The following PRMT7 variants were observed in gnomAD, a reference collection of about 807,000 sequenced individuals.
The protein encoded by PRMT7 is protein arginine methyltransferase 7.
PRMT7 carries 75 observed loss-of-function variants against 85.4 expected under a neutral mutation model. The ratio of observed to expected loss-of-function variants is 0.88; its 90% confidence interval spans 0.73 to 1.06. The LOEUF (loss-of-function observed/expected upper bound fraction) is 1.06. Ranked by LOEUF, PRMT7 falls within the 50% of genes least tolerant of loss-of-function variation. The pLI is 0.00. For missense variants in PRMT7, 868 were observed against 915.2 expected (o/e 0.95, Z 0.67); for synonymous variants, 397 against 359.5 (o/e 1.10, Z -1.18).
intron 16 of PRMT7, 197 bp from the exon 17 acceptor site, chr16:68,355,526 C>T: frequency 2.1e-6 from 1 of 484,802 alleles, no homozygotes. Context: ...AGGCTCAGAG[C>T]CAGCGGTGCC....
intron 3 of PRMT7, 39 bp downstream of exon 3, chr16:68,316,113 G>A (rs755140272): frequency 2.2e-5 from 35 of 1,563,632 alleles, no homozygotes; most frequent in Non-Finnish European, 2.9e-5. Context: ...GCTGGGTGGG[G>A]CACTTGATCT....
At chr16:68,352,226 C>T in intron 14 of PRMT7, 22 bp from the exon 15 acceptor site, 2 of 1,610,296 alleles carry the variant, frequency 1.2e-6, no homozygotes, top group Non-Finnish European at 1.7e-6. Context: ...CACCTGGGCC[C>T]TGCTTCTCGC....
chr16:68,328,833 G>A (rs2083460485), intron 5 of PRMT7, among the ~76,000 whole-genome samples: 2 of 152,268 alleles, frequency 1.3e-5, no homozygotes, highest in South Asian at 4.1e-4. Context: ...AAGTAGTGCA[G>A]CCTCCTCAGG....
chr16:68,311,330 A>C, intron 1 of PRMT7: 3 of 306,356 alleles, frequency 9.8e-6, no homozygotes, highest in South Asian at 2.8e-5. Flanking sequence ...CTGTCGCAGT[A>C]CTCGTGCCTG....
At chr16:68,354,894 CCTGT>C (rs1261838776) in intron 16 of PRMT7, 1 of 152,420 alleles carries the variant, frequency 6.6e-6, no homozygotes, top group Non-Finnish European at 1.5e-5. Context: ...CTTCCAGTGC[CCTGT>C]CTTAGACCTG....
rs939329463 is a variant in PRMT7, at chr16:68,311,026, C to G, written c.-292C>G. ...CCCCCCAGCACGCTCCTCGACGCTG[C>G]GAGGTCCCGCCCCGCGTGCTGGCCG... On this transcript the variant is annotated 5_prime_UTR_variant, in exon 1 of 19. Coordinates refer to ENST00000441236, the MANE Select transcript of PRMT7 (RefSeq NM_019023.5). 1 of 1,094,180 alleles carries G rather than the reference C, an allele frequency of 9.1e-7. No individual in the cohort carries two copies. The highest frequency in any genetic ancestry group is 1.3e-6 in the Non-Finnish European group (1 of 744,450). 67.8% of individuals were successfully genotyped at this position (1,094,180 alleles called of 1,614,324 possible).
At chr16:68,353,404 G>T in intron 15 of PRMT7, 88 bp from the exon 16 acceptor site, 1 of 1,595,000 alleles carries the variant, frequency 6.3e-7, no homozygotes. Context: ...GGTGTGCAGG[G>T]AACAGCAAGA....
In PRMT7 at chr16:68,347,643, G is replaced by C; in HGVS notation, c.1288G>C (p.Glu430Gln). 1 of 1,613,866 alleles carries C rather than the reference G, an allele frequency of 6.2e-7. No individual in the cohort carries two copies. The highest frequency in any genetic ancestry group is 8.5e-7 in the Non-Finnish European group (1 of 1,179,754). ...HLGVEQVFTVESSAASHKLLR... is the reference protein window; with the variant it reads ...HLGVEQVFTVQSSAASHKLLR... ...GTGTTCCCTCTAGGTGTTTACAGTC[G>C]AGAGTTCAGCAGCTTCTCACAAACT... Residue 430 changes from glutamate (E) to glutamine (Q), a missense_variant, in exon 13 of 19, where the codon GAG (glutamate) becomes CAG (glutamine). Transcript: ENST00000441236.
At chr16:68,359,174 G>C (rs1330419600), downstream of PRMT7, 2 of 152,434 alleles carry the variant, frequency 1.3e-5, no homozygotes, top group African/African-American at 4.8e-5. Flanking sequence ...TGCTCTCCCT[G>C]TGCAGGCAGT....
chr16:68,314,406 T>G (rs950188750), intron 2 of PRMT7, among the ~76,000 whole-genome samples: 1 of 152,220 alleles, frequency 6.6e-6, no homozygotes, highest in Non-Finnish European at 1.5e-5. Flanking sequence ...AATTTTTGTA[T>G]TTTTAGTAGA....
rs551758589 is a variant in PRMT7, at chr16:68,332,660, T to G, written c.391+3486T>G. ...CTGTGCAGCATTCTGAAGGCTTTTT[T>G]TCTGTGTAATTTCCTCTCTGATTCT... On this transcript the variant is annotated intron_variant, in intron 6 of 18. Coordinates refer to ENST00000441236, the MANE Select transcript of PRMT7 (RefSeq NM_019023.5). Among the ~76,000 whole-genome samples, 4 of 152,270 alleles carry G rather than the reference T, an allele frequency of 2.6e-5. No individual in the cohort carries two copies. The East Asian group carries it at 7.7e-4, about 29-fold the overall frequency.
At chr16:68,344,941 C>CACACACACAT (rs2086118051) in intron 9 of PRMT7, among the ~76,000 whole-genome samples, 1 of 139,986 alleles carries the variant, frequency 7.1e-6, no homozygotes, top group Admixed American at 7.5e-5. Context: ...TCTACACACA[C>CACACACACAT]ACACACACAC....
At chr16:68,320,367 A>G (rs777472175) in intron 3 of PRMT7, among the ~76,000 whole-genome samples, 6 of 152,234 alleles carry the variant, frequency 3.9e-5, no homozygotes, top group African/African-American at 1.4e-4. Flanking sequence ...GCTGACAGCC[A>G]CGAACAGAAC....
intron 9 of PRMT7, among the ~76,000 whole-genome samples, chr16:68,343,185 CAA>C (rs1157398133): frequency 1.3e-5 from 2 of 151,248 alleles, no homozygotes; most frequent in South Asian, 2.1e-4. Context: ...GCCTGGGCAA[CAA>C]GAGCGAAACT....
At chr16:68,311,174 C>G in intron 1 of PRMT7, 75 bp downstream of exon 1, 1 of 611,480 alleles carries the variant, frequency 1.6e-6, no homozygotes, top group Non-Finnish European at 3.0e-6. Flanking sequence ...GTCCTTGGCA[C>G]CAGGGTTTCG....
rs760907558 is a variant in PRMT7, at chr16:68,339,419, T to A, written c.602T>A (p.Val201Glu). ...TGGAACAAGCTATTTCCCATCCACG[T>A]GCAGACCAGCCTCGGAGAGCAGGTC... Reference protein sequence around the residue: ...WSWNKLFPIHVQTSLGEQVIV... With the variant: ...WSWNKLFPIHEQTSLGEQVIV... The change falls in exon 8 of 19, where the codon GTG becomes GAG. Residue 201 changes from valine (V) to glutamate (E), a missense_variant. By Grantham distance (121) the Val-to-Glu change is moderately radical. Transcript: ENST00000441236. The A allele has an allele frequency of 5.0e-6, 8 of 1,614,218 alleles. No homozygotes were observed. In the South Asian group the frequency reaches 8.8e-5, roughly 18 times the overall value.
At chr16:68,319,709 A>AGTGTGTGT (rs750593103) in intron 3 of PRMT7, among the ~76,000 whole-genome samples, 1 of 41,906 alleles carries the variant, frequency 2.4e-5, no homozygotes, top group Non-Finnish European at 4.7e-5. Context: ...AATAAGAGTG[A>AGTGTGTGT]GAGTGTGTGT....
At chr16:68,346,874 A>G (rs536895269) in intron 11 of PRMT7, among the ~76,000 whole-genome samples, 8 of 152,032 alleles carry the variant, frequency 5.3e-5, no homozygotes, top group Non-Finnish European at 8.8e-5. Context: ...AATTGTGAAC[A>G]CTCAAGCCTT....
chr16:68,316,199 G>A, intron 3 of PRMT7, 125 bp downstream of exon 3: 1 of 824,162 alleles, frequency 1.2e-6, no homozygotes, highest in Non-Finnish European at 2.0e-6. Flanking sequence ...GGCTGGTGTT[G>A]GTCCTGAGCA....
Sources: allele counts gnomAD v4.1 joint callset (sites outside exome capture counted in the v4.1 genomes callset), GRCh38; gene constraint gnomAD v4.1.1; transcripts MANE v1.5; gene names NCBI Gene and HGNC (gene_info 2026-07-23, HGNC 2026-07-21).